UFL1: variants seen among roughly 807,000 people sequenced by gnomAD.
The protein encoded by UFL1 is UFM1 specific ligase 1, also known as E3 UFM1-protein ligase 1.
A neutral mutation model predicts 99.3 loss-of-function variants in UFL1; 78 were observed. The observed-to-expected ratio is 0.79, with a 90% CI of 0.65 to 0.95. The LOEUF (loss-of-function observed/expected upper bound fraction) is 0.95, where lower values mean the gene tolerates loss of function less well. Among genes scored for constraint, UFL1 ranks in the 40% least tolerant of loss-of-function variants. The pLI is 0.00. For synonymous variants in UFL1, 335 were observed against 322.2 expected (o/e 1.04, Z -0.42); for missense variants, 936 against 937.0 (o/e 1.00, Z 0.01).
At chr6:96,549,824 T>A in intron 15 of UFL1, 25 bp downstream of exon 15, 7 of 1,606,986 alleles carry the variant, frequency 4.4e-6, no homozygotes, top group Non-Finnish European at 5.9e-6. Context: ...TCCCTACCAC[T>A]ATTGATGTGT....
chr6:96,545,010 A>G (rs1361856616), intron 12 of UFL1, among the ~76,000 whole-genome samples: 1 of 151,072 alleles, frequency 6.6e-6, no homozygotes, highest in African/African-American at 2.4e-5. Flanking sequence ...CTCAGTATGA[A>G]AGATTACTAG....
chr6:96,537,615 C>T (rs1769872051), intron 9 of UFL1, 66 bp downstream of exon 9: 1 of 1,417,206 alleles, frequency 7.1e-7, no homozygotes, highest in African/African-American at 1.5e-5. Flanking sequence ...AATATTTGAC[C>T]ATTTAGAAAT....
rs145774575 is a variant in UFL1 at position 96,538,016 on chromosome 6, G to A, written c.978+467G>A. The stretch of plus-strand genomic sequence containing the variant: ...TAAGTGTAGATAAAGATAAATAAAC[G>A]AGGCCAATCCATTATTTTCTAGTCG... On this transcript the variant is annotated intron_variant, in intron 9 of 18. Coordinates refer to ENST00000369278, the MANE Select transcript of UFL1 (RefSeq NM_015323.5). Among the ~76,000 whole-genome samples, 441 of 151,820 alleles carry A rather than the reference G, an allele frequency of 2.9e-3. 1 individual carries two copies. Among genetic ancestry groups the A allele is most frequent in the African/African-American group, 0.01 (419 of 41,462 alleles).
In UFL1 at chr6:96,534,335, A is replaced by G; in HGVS notation, c.655+14A>G. On this transcript the variant is annotated intron_variant, in intron 7 of 18. Coordinates refer to ENST00000369278, the MANE Select transcript of UFL1 (RefSeq NM_015323.5). ...AGCTTCTTTACTGTGAGTTTGGTTTAAATTATATTTACTTAATTAGCTGCT... is the reference window on the plus strand; with the variant it reads ...AGCTTCTTTACTGTGAGTTTGGTTTGAATTATATTTACTTAATTAGCTGCT... 2 of 1,547,720 alleles carry G rather than the reference A, an allele frequency of 1.3e-6. No homozygotes were observed. The highest frequency in any genetic ancestry group is 2.3e-5 in the East Asian group (1 of 43,554).
intron 11 of UFL1, among the ~76,000 whole-genome samples, chr6:96,541,615 ATTAC>A (rs998516756): frequency 1.4e-5 from 2 of 147,722 alleles, no homozygotes; most frequent in African/African-American, 4.9e-5. Context: ...AAATTAATAA[ATTAC>A]TTAAATCACA....
intron 11 of UFL1, among the ~76,000 whole-genome samples, chr6:96,540,977 G>A (rs1211592375): frequency 6.6e-6 from 1 of 150,838 alleles, no homozygotes; most frequent in Non-Finnish European, 1.5e-5. Context: ...TCCTAAACTT[G>A]CCAGGGTCAT....
Position 96,542,971 on chromosome 6 carries a change from A to G in UFL1, c.1357A>G (p.Arg453Gly). ...YKIKKVKKKG[R>G]KDDDSDDESQ... ...AATTAAAAAAGTCAAGAAGAAAGGA[A>G]GAAAAGATGATGATAGTGATGATGA... Residue 453 changes from arginine to glycine, a missense_variant, in exon 12 of 19, where the codon AGA becomes GGA. By Grantham distance (125) the Arg-to-Gly change is moderately radical. Coordinates refer to ENST00000369278, the MANE Select transcript of UFL1 (RefSeq NM_015323.5). The G allele has an allele frequency of 1.9e-6, 3 of 1,599,852 alleles. No homozygotes were observed. The highest frequency in any genetic ancestry group is 2.6e-6 in the Non-Finnish European group (3 of 1,172,480).
chr6:96,550,463 T>C (rs1034107457), intron 15 of UFL1, among the ~76,000 whole-genome samples: 1 of 152,020 alleles, frequency 6.6e-6, no homozygotes, highest in African/African-American at 2.4e-5. Context: ...TGTGACTGAC[T>C]ACATGTCACT....
Position 96,553,567 on chromosome 6 carries a change from C to A in UFL1, c.*64C>A. 1 of 1,450,088 alleles carries A rather than the reference C, an allele frequency of 6.9e-7. No individual in the cohort carries two copies. Among genetic ancestry groups the A allele is most frequent in the African/African-American group, 1.4e-5 (1 of 70,256 alleles). The allele number at this position is 1,450,088 out of a possible 1,614,324, so 89.8% of individuals were successfully genotyped here. On this transcript the variant is annotated 3_prime_UTR_variant, in exon 19 of 19. Coordinates refer to ENST00000369278, the MANE Select transcript of UFL1 (RefSeq NM_015323.5). ...CCCCAAGGTTGAAGGTGAGTGGTCA[C>A]AAAAAAGTAGTCACTATACAACTCC...
In UFL1 at chr6:96,553,452, C is replaced by A; in HGVS notation, c.2334C>A (p.Ser778=). 1 of 1,613,592 alleles carries A rather than the reference C, an allele frequency of 6.2e-7. No individual in the cohort carries two copies. Among genetic ancestry groups the A allele is most frequent in the Non-Finnish European group, 8.5e-7 (1 of 1,179,772 alleles). Residue 778 remains serine, a synonymous_variant, in exon 19 of 19, where the codon TCC becomes TCA. Coordinates refer to ENST00000369278, the MANE Select transcript of UFL1 (RefSeq NM_015323.5). ...TRKELQELSS[S]IKDLVLKSRK... ...AAGAGCTTCAAGAACTTTCTTCATC[C>A]ATTAAAGACCTTGTTCTCAAATCTA...
At chr6:96,549,856 T>C in intron 15 of UFL1, 57 bp downstream of exon 15, 1 of 1,566,482 alleles carries the variant, frequency 6.4e-7, no homozygotes. Context: ...TCTATACACA[T>C]TTTATTTTAT....
intron 18 of UFL1, 23 bp downstream of exon 18, chr6:96,552,685 G>A: frequency 6.4e-7 from 1 of 1,565,490 alleles, no homozygotes; most frequent in South Asian, 1.2e-5. Flanking sequence ...CAATACACTT[G>A]AAACTTTCAA....
intron 12 of UFL1, among the ~76,000 whole-genome samples, chr6:96,543,519 G>C (rs370847586): frequency 2.6e-5 from 4 of 151,202 alleles, no homozygotes; most frequent in East Asian, 1.9e-4. Flanking sequence ...TGATAACACT[G>C]AAAATAAAAT....
chr6:96,551,834 T>C lies in UFL1; in HGVS notation c.1900-4T>C, dbSNP rs751831088. The C allele has an allele frequency of 6.3e-7, 1 of 1,589,728 alleles. No individual in the cohort carries two copies. The highest frequency in any genetic ancestry group is 2.3e-5 in the East Asian group (1 of 44,442). ...GTAAATTATGGTATTCAATGCCTTTTCAGAGCATAGAAGACTTTATTTCTT... is the reference window on the plus strand; with the variant it reads ...GTAAATTATGGTATTCAATGCCTTTCCAGAGCATAGAAGACTTTATTTCTT... On this transcript the variant is annotated splice_region_variant and splice_polypyrimidine_tract_variant and intron_variant, in intron 16 of 18. Coordinates refer to ENST00000369278, the MANE Select transcript of UFL1 (RefSeq NM_015323.5).
chr6:96,538,882 A>G (rs1339379100), intron 10 of UFL1, 72 bp downstream of exon 10: 2 of 1,327,450 alleles, frequency 1.5e-6, no homozygotes, highest in Admixed American at 4.6e-5. Context: ...TGTCTTTTGA[A>G]AAAGGGGATA....
At chr6:96,549,832 T>C in intron 15 of UFL1, 33 bp downstream of exon 15, 1 of 1,601,938 alleles carries the variant, frequency 6.2e-7, no homozygotes, top group Non-Finnish European at 8.5e-7. Context: ...ACTATTGATG[T>C]GTTCTGTTTT....
In UFL1 at chr6:96,549,716, A is replaced by C; in HGVS notation, c.1735A>C (p.Thr579Pro). The C allele has an allele frequency of 6.2e-7, 1 of 1,612,426 alleles. No individual in the cohort carries two copies. The highest frequency in any genetic ancestry group is 1.3e-5 in the African/African-American group (1 of 74,896). The change falls in exon 15 of 19, where the codon ACT becomes CCT. Residue 579 changes from threonine to proline, a missense_variant. By Grantham distance (38) the Thr-to-Pro change is conservative. Transcript: ENST00000369278. ...LTKHLLKSVC[T>P]DITNLIFNFL... ...CAAACACTTGCTGAAGTCAGTGTGTACTGATATCACTAACCTCATTTTCAA... is the reference window on the plus strand; with the variant it reads ...CAAACACTTGCTGAAGTCAGTGTGTCCTGATATCACTAACCTCATTTTCAA...
At chr6:96,533,235 T>G (rs529751582) in intron 6 of UFL1, among the ~76,000 whole-genome samples, 1 of 151,292 alleles carries the variant, frequency 6.6e-6, no homozygotes, top group South Asian at 2.1e-4. Context: ...TTATTACAAA[T>G]GAGATACAGT....
chr6:96,534,194 T>C, intron 6 of UFL1, 69 bp from the exon 7 acceptor site: 1 of 1,013,884 alleles, frequency 9.9e-7, no homozygotes, highest in Non-Finnish European at 1.3e-6. Context: ...AATTATCCTA[T>C]TTTTAAGTTC....
Sources: allele counts gnomAD v4.1 joint callset (sites outside exome capture counted in the v4.1 genomes callset), GRCh38; gene constraint gnomAD v4.1.1; transcripts MANE v1.5; gene names NCBI Gene and HGNC (gene_info 2026-07-23, HGNC 2026-07-21).